Variants in IMMP2L observed in about 807,000 individuals in gnomAD.
IMMP2L encodes the protein inner mitochondrial membrane peptidase subunit 2.
IMMP2L carries 18 observed loss-of-function variants against 19.3 expected under a neutral mutation model. That is an observed-to-expected ratio of 0.93 (90% CI 0.64 to 1.38). The LOEUF (loss-of-function observed/expected upper bound fraction) is 1.38, where lower values mean the gene tolerates loss of function less well. IMMP2L is among the 40% of genes most tolerant of loss of function. The pLI is 0.00. For synonymous variants in IMMP2L, 76 were observed against 73.0 expected, an observed-to-expected ratio of 1.04 and a Z score of -0.21; for missense variants, 233 against 218.2, an observed-to-expected ratio of 1.07 and a Z score of -0.43.
chr7:110,854,389 A>G (rs1031315594), intron 5 of IMMP2L, among the ~76,000 whole-genome samples: 61 of 151,956 alleles, frequency 4.0e-4, no homozygotes, highest in Non-Finnish European at 7.7e-4. Context: ...TGGAAAATCC[A>G]CAGGAGAAAC....
chr7:111,154,354 T>C (rs1041476325), intron 3 of IMMP2L, among the ~76,000 whole-genome samples: 1 of 152,118 alleles, frequency 6.6e-6, no homozygotes, highest in Non-Finnish European at 1.5e-5. Flanking sequence ...AGCATTATTA[T>C]CTACCATATA....
chr7:110,872,283 G>T (rs576809643), intron 5 of IMMP2L, among the ~76,000 whole-genome samples: 1 of 152,162 alleles, frequency 6.6e-6, no homozygotes, highest in Non-Finnish European at 1.5e-5. Context: ...TCTACTTCTC[G>T]AAAGTTACTT....
chr7:111,310,694 G>A (rs146738163), intron 3 of IMMP2L, among the ~76,000 whole-genome samples: 3,341 of 152,006 alleles, frequency 0.022, 67 homozygotes, highest in Middle Eastern at 0.099. Context: ...ATTTTACATC[G>A]CCCTGACAGT....
chr7:110,930,223 A>G (rs1381440492), intron 4 of IMMP2L, among the ~76,000 whole-genome samples: 1 of 152,168 alleles, frequency 6.6e-6, no homozygotes, highest in African/African-American at 2.4e-5. Context: ...TTATTTGGAA[A>G]GACAGTGATC....
chr7:111,388,088 T>C (rs1303029984), intron 3 of IMMP2L, among the ~76,000 whole-genome samples: 2 of 151,920 alleles, frequency 1.3e-5, no homozygotes, highest in Non-Finnish European at 2.9e-5. Context: ...AAATCACTTT[T>C]AGAGTCCACA....
rs1389386589 is a variant in IMMP2L, at chr7:111,317,294, A to C, written c.239+169944T>G. Among the ~76,000 whole-genome samples the C allele has an allele frequency of 2.0e-5, 3 of 152,178 alleles. No homozygotes were observed. In the East Asian group the frequency reaches 5.8e-4, roughly 29 times the overall value. On this transcript the variant is annotated intron_variant, in intron 3 of 5. Coordinates refer to ENST00000405709, the MANE Select transcript of IMMP2L (RefSeq NM_032549.4). ...ACAACACAAAGTTCAACAACATCTG[A>C]AGCCATTCTGAACTAGAAATAAATG...
At chr7:110,920,425 G>T (rs1444040249) in intron 4 of IMMP2L, among the ~76,000 whole-genome samples, 1 of 152,126 alleles carries the variant, frequency 6.6e-6, no homozygotes, top group African/African-American at 2.4e-5. Flanking sequence ...GGGAATTAGG[G>T]AACATTTCAC....
chr7:111,090,146 T>C (rs1277739684), intron 3 of IMMP2L, among the ~76,000 whole-genome samples: 4 of 152,140 alleles, frequency 2.6e-5, no homozygotes, highest in African/African-American at 9.6e-5. Context: ...ACATGCATTT[T>C]TAAAACTGCT....
chr7:111,114,991 T>C (rs1424874979), intron 3 of IMMP2L, among the ~76,000 whole-genome samples: 1 of 152,114 alleles, frequency 6.6e-6, no homozygotes, highest in African/African-American at 2.4e-5. Context: ...AGTTTAATTA[T>C]AACCTGAAGC....
chr7:110,878,744 AT>A (rs199639638), intron 5 of IMMP2L, among the ~76,000 whole-genome samples: 2,184 of 152,174 alleles, frequency 0.014, 56 homozygotes, highest in African/African-American at 0.049. Flanking sequence ...ACAGCTTGGA[AT>A]TTTCATTTAG....
At chr7:110,745,490 G>T (rs1797275215) in intron 5 of IMMP2L, among the ~76,000 whole-genome samples, 1 of 152,144 alleles carries the variant, frequency 6.6e-6, no homozygotes, top group African/African-American at 2.4e-5. Context: ...AATGTTAAGG[G>T]CAGCCAGAGA....
chr7:110,887,325 C>T (rs935293645), intron 4 of IMMP2L, among the ~76,000 whole-genome samples: 6 of 151,964 alleles, frequency 3.9e-5, no homozygotes, highest in African/African-American at 1.4e-4. Flanking sequence ...ATGATACACA[C>T]GTTGCAAAAC....
chr7:110,949,157 T>C (rs1340112243), intron 4 of IMMP2L, among the ~76,000 whole-genome samples: 1 of 152,144 alleles, frequency 6.6e-6, no homozygotes, highest in Non-Finnish European at 1.5e-5. Flanking sequence ...TCAGCCTCCA[T>C]AATCACATGA....
At chr7:110,764,636 ATAAGGTAGCACC>A (rs1798550230) in intron 5 of IMMP2L, among the ~76,000 whole-genome samples, 1 of 152,150 alleles carries the variant, frequency 6.6e-6, no homozygotes, top group Non-Finnish European at 1.5e-5. Context: ...ATATTTGCTC[ATAAGGTAGCACC>A]TAATTATAAT....
chr7:111,375,847 G>A (rs73203011), intron 3 of IMMP2L, among the ~76,000 whole-genome samples: 4,304 of 152,034 alleles, frequency 0.028, 100 homozygotes, highest in Non-Finnish European at 0.048. Flanking sequence ...TTGAACTGAG[G>A]GTCATGTGAA....
intron 5 of IMMP2L, among the ~76,000 whole-genome samples, chr7:110,843,465 G>T (rs995432903): frequency 3.1e-4 from 47 of 151,974 alleles, no homozygotes; most frequent in African/African-American, 8.9e-4. Context: ...TAAAAATAAA[G>T]GAAGTAGACA....
intron 3 of IMMP2L, among the ~76,000 whole-genome samples, chr7:111,293,187 T>A (rs955304382): frequency 6.6e-6 from 1 of 151,982 alleles, no homozygotes; most frequent in African/African-American, 2.4e-5. Flanking sequence ...GTGTATTGAT[T>A]GAGCATTAGA....
intron 5 of IMMP2L, among the ~76,000 whole-genome samples, chr7:110,794,419 C>T (rs1012797250): frequency 6.6e-6 from 1 of 151,998 alleles, no homozygotes; most frequent in African/African-American, 2.4e-5. Context: ...CTGTATGATT[C>T]CAACTATATG....
At chr7:111,262,048 T>C (rs184545836) in intron 3 of IMMP2L, among the ~76,000 whole-genome samples, 16 of 152,066 alleles carry the variant, frequency 1.1e-4, no homozygotes, top group East Asian at 5.8e-4. Context: ...TCAGCCAAGG[T>C]AGTGGTAGTA....
Sources: allele counts gnomAD v4.1 joint callset (sites outside exome capture counted in the v4.1 genomes callset), GRCh38; gene constraint gnomAD v4.1.1; transcripts MANE v1.5; gene names NCBI Gene and HGNC (gene_info 2026-07-23, HGNC 2026-07-21).